Variants in ELP4 observed in about 807,000 individuals in gnomAD.
The protein encoded by ELP4 is elongator acetyltransferase complex subunit 4.
In ELP4, 51 loss-of-function variants were observed where a neutral mutation model predicts 48.9. The ratio of observed to expected loss-of-function variants is 1.04; its 90% CI spans 0.83 to 1.32. The LOEUF is 1.32. Ranked by LOEUF, ELP4 falls within the 40% of genes most tolerant of loss-of-function variation. ELP4 has a pLI of 0.00. For synonymous variants in ELP4, 210 were observed against 189.2 expected (o/e 1.11, Z -0.90); for missense variants, 519 against 514.6 (o/e 1.01, Z -0.08).
intron 5 of ELP4, among the ~76,000 whole-genome samples, chr11:31,620,109 G>C (rs1944588601): frequency 1.3e-5 from 2 of 152,016 alleles, no homozygotes; most frequent in African/African-American, 4.8e-5. Flanking sequence ...ATCTAGGAGA[G>C]TGAGGATATG....
chr11:31,666,783 A>C (rs532289792), intron 9 of ELP4, among the ~76,000 whole-genome samples: 1 of 86,660 alleles, frequency 1.2e-5, no homozygotes, highest in East Asian at 3.5e-4. Context: ...GTGGCTACCT[A>C]AGAAAATTAA....
chr11:31,648,062 A>C (rs537621638), intron 8 of ELP4: 1 of 372,766 alleles, frequency 2.7e-6, no homozygotes, highest in African/African-American at 2.1e-5. Context: ...AGTCAAACCC[A>C]AGTACTGAGG....
intron 3 of ELP4, among the ~76,000 whole-genome samples, chr11:31,547,666 G>T (rs9666805): frequency 6.6e-6 from 1 of 151,914 alleles, no homozygotes; most frequent in East Asian, 1.9e-4. Flanking sequence ...TACCAAAGCC[G>T]GGCAGAGACA....
At chr11:31,691,599 C>A (rs1453477887) in intron 9 of ELP4, among the ~76,000 whole-genome samples, 1 of 151,958 alleles carries the variant, frequency 6.6e-6, no homozygotes, top group Non-Finnish European at 1.5e-5. Flanking sequence ...AAAAATAATC[C>A]ATGGTAAATT....
intron 9 of ELP4, among the ~76,000 whole-genome samples, chr11:31,698,495 C>G (rs777875883): frequency 1.3e-5 from 2 of 152,098 alleles, no homozygotes; most frequent in Non-Finnish European, 2.9e-5. Flanking sequence ...TCACTGCAAC[C>G]TACATCTCCT....
intron 9 of ELP4, among the ~76,000 whole-genome samples, chr11:31,655,945 A>C (rs1257960781): frequency 6.6e-6 from 1 of 151,978 alleles, no homozygotes; most frequent in African/African-American, 2.4e-5. Flanking sequence ...TCTTTATATA[A>C]ATTTGTCTTT....
In ELP4 at chr11:31,787,090, A is replaced by G. The variant is rs2134320253; in HGVS notation, c.*3566A>G. The G allele has an allele frequency of 4.3e-6, 1 of 231,812 alleles. No individual in the cohort carries two copies. Among genetic ancestry groups the G allele is most frequent in the Middle Eastern group, 1.3e-3 (1 of 782 alleles). 14.4% of individuals were successfully genotyped at this position (231,812 alleles called of 1,614,324 possible). The stretch of plus-strand genomic sequence containing the variant: ...CAACTCCCAGGCACTGCTACCACAC[A>G]GAGCCTGCCATGCTGTCCCCAAGAG... On this transcript the variant is annotated 3_prime_UTR_variant, in exon 10 of 10. Transcript: ENST00000640961.
intron 3 of ELP4, among the ~76,000 whole-genome samples, chr11:31,575,437 G>A (rs1222808324): frequency 6.6e-6 from 1 of 152,076 alleles, no homozygotes; most frequent in African/African-American, 2.4e-5. Context: ...GAAATACAGA[G>A]AACGCCACAA....
rs1949346445 is a variant in ELP4 at position 31,790,111 on chromosome 11, A to AC, written c.*6587_*6588insC. 3.5e-5 allele frequency: 28 copies of AC among 802,490 alleles called. 1 individual carries two copies. The East Asian group carries it at 7.6e-4, about 22-fold the overall frequency. The allele number at this position is 802,490 out of a possible 1,614,324, so 49.7% of individuals were successfully genotyped here. A position where few individuals can be genotyped will look rare whatever the true frequency, so the allele number is the denominator to read the frequency against. Reference sequence around the variant, plus strand: ...TTATAGGTTTACAAAAAAAAAAAAAAAAAAAAAAACTAATACTTTCTAACA... The same window carrying AC: ...TTATAGGTTTACAAAAAAAAAAAAAACAAAAAAAAACTAATACTTTCTAACA... On this transcript the variant is annotated 3_prime_UTR_variant, in exon 10 of 10. Coordinates refer to ENST00000640961, the MANE Select transcript of ELP4 (RefSeq NM_019040.5).
intron 9 of ELP4, among the ~76,000 whole-genome samples, chr11:31,773,109 G>T (rs1432667925): frequency 2.0e-5 from 3 of 152,202 alleles, no homozygotes; most frequent in Non-Finnish European, 2.9e-5. Context: ...TGGGGGCCTA[G>T]GATTACTGTA....
At chr11:31,766,309 G>A (rs913855652) in intron 9 of ELP4, among the ~76,000 whole-genome samples, 8 of 151,944 alleles carry the variant, frequency 5.3e-5, no homozygotes, top group Non-Finnish European at 1.0e-4. Context: ...AACTAAAACC[G>A]GTCCTTATTG....
intron 3 of ELP4, among the ~76,000 whole-genome samples, chr11:31,566,812 G>A (rs1278116224): frequency 2.0e-5 from 3 of 152,086 alleles, no homozygotes; most frequent in African/African-American, 7.2e-5. Flanking sequence ...TATTGGAAGA[G>A]GTTTCTTAGA....
intron 3 of ELP4, among the ~76,000 whole-genome samples, chr11:31,549,322 C>T (rs899255071): frequency 5.3e-5 from 8 of 152,092 alleles, no homozygotes; most frequent in South Asian, 2.1e-4. Context: ...AATAAGTGGG[C>T]GAAGGACATG....
At chr11:31,610,799 T>C (rs1957965553) in intron 5 of ELP4, among the ~76,000 whole-genome samples, 1 of 152,194 alleles carries the variant, frequency 6.6e-6, no homozygotes, top group Admixed American at 6.5e-5. Flanking sequence ...CTCACTGGTA[T>C]GCATGGGTTT....
chr11:31,577,767 A>C (rs540575153), intron 3 of ELP4, among the ~76,000 whole-genome samples: 81 of 152,344 alleles, frequency 5.3e-4, no homozygotes, highest in African/African-American at 1.9e-3. Flanking sequence ...AAAACTCTCA[A>C]TAAACTAGGT....
intron 9 of ELP4, among the ~76,000 whole-genome samples, chr11:31,671,991 A>C (rs528583185): frequency 6.6e-6 from 1 of 152,104 alleles, no homozygotes; most frequent in East Asian, 1.9e-4. Flanking sequence ...TGTAAGCAGG[A>C]ACTGGCTTTT....
At position 31,566,094 on chromosome 11, in the gene ELP4, A is replaced by G. The variant is rs746515505; in HGVS notation, c.381+26311A>G. On this transcript the variant is annotated intron_variant, in intron 3 of 9. Transcript: ENST00000640961. ...TGCTTACAACTTGCTTAAGGCTCAT[A>G]TAAGTGTAATCCTAGCACTTTGGAT... 2.5e-4 allele frequency among the ~76,000 whole-genome samples: 38 copies of G among 152,202 alleles called. No homozygotes were observed. The Middle Eastern group carries it at 0.01, about 41-fold the overall frequency.
chr11:31,715,041 T>TA (rs1189454536), intron 9 of ELP4: 2 of 370,882 alleles, frequency 5.4e-6, no homozygotes, highest in Non-Finnish European at 9.6e-6. Flanking sequence ...CTTTCATTTT[T>TA]ACTCATCAGT....
At chr11:31,721,979 G>A (rs1028539195) in intron 9 of ELP4, among the ~76,000 whole-genome samples, 3 of 151,994 alleles carry the variant, frequency 2.0e-5, no homozygotes, top group African/African-American at 7.2e-5. Context: ...CTTTTATTAT[G>A]TACCCACAGC....
Sources: gnomAD v4.1 joint callset for allele counts (sites outside exome capture counted in the v4.1 genomes callset) on GRCh38, gnomAD v4.1.1 for gene constraint, MANE v1.5 for transcripts, NCBI Gene and HGNC (gene_info 2026-07-23, HGNC 2026-07-21) for gene names.